Variants in ODF2L observed in about 807,000 individuals in gnomAD.
The protein encoded by ODF2L is outer dense fiber of sperm tails 2 like.
A neutral mutation model predicts 86.3 loss-of-function variants in ODF2L; 76 were observed. That is an observed-to-expected ratio of 0.88 (90% confidence interval 0.73 to 1.07). ODF2L has a LOEUF of 1.07. ODF2L is among the 50% of genes least tolerant of loss of function. The probability of loss-of-function intolerance (pLI) is 0.00; values close to 1 mark genes in which losing one functional copy is unlikely to be tolerated. For synonymous variants in ODF2L, 241 were observed against 231.3 expected, an observed-to-expected ratio of 1.04 and a Z score of -0.38; for missense variants, 748 against 717.4, an observed-to-expected ratio of 1.04 and a Z score of -0.49.
chr1:86,383,105 G>T, intron 5 of ODF2L, 29 bp downstream of exon 5: 1 of 1,437,476 alleles, frequency 7.0e-7, no homozygotes, highest in Non-Finnish European at 9.7e-7. Context: ...CAGGAAGAAT[G>T]GACACAAAGT....
intron 4 of ODF2L, 57 bp downstream of exon 4, chr1:86,384,619 T>C (rs1284302793): frequency 2.7e-6 from 3 of 1,113,754 alleles, no homozygotes; most frequent in Non-Finnish European, 3.6e-6. Context: ...AAAAATAATG[T>C]ATCCTTCAAA....
At chr1:86,365,410 G>A (rs981478827) in intron 11 of ODF2L, among the ~76,000 whole-genome samples, 38 of 152,096 alleles carry the variant, frequency 2.5e-4, no homozygotes, top group Admixed American at 2.5e-3. Flanking sequence ...TGGTATGGAT[G>A]GATGGAGGGA....
Position 86,358,876 on chromosome 1 carries a change from CT to C in ODF2L, c.1269del (p.Glu424LysfsTer5). 1 of 1,525,864 alleles carries C rather than the reference CT, an allele frequency of 6.6e-7. No homozygotes were observed. 94.5% of individuals were successfully genotyped at this position (1,525,864 alleles called of 1,614,324 possible). A position where few individuals can be genotyped will look rare whatever the true frequency, so the allele number is the denominator to read the frequency against. On this transcript the variant is annotated frameshift_variant, in exon 13 of 18. Coordinates refer to ENST00000317336, the Ensembl canonical transcript of ODF2L. LOFTEE classifies it high-confidence loss of function. ...CTGCTTTTTACTATTTCAGCTGCTTCTTGCAACTTTTGTACCTGAAAATAAA... is the reference window on the plus strand; with the variant it reads ...CTGCTTTTTACTATTTCAGCTGCTTCTGCAACTTTTGTACCTGAAAATAAA...
intron 4 of ODF2L, 141 bp from the exon 5 acceptor site, chr1:86,383,337 T>G: frequency 2.0e-6 from 1 of 491,194 alleles, no homozygotes; most frequent in Non-Finnish European, 3.6e-6. Context: ...TGAAAAGATT[T>G]TTGCCCTAGT....
At chr1:86,384,075 T>C (rs1660768863) in intron 4 of ODF2L, among the ~76,000 whole-genome samples, 1 of 151,844 alleles carries the variant, frequency 6.6e-6, no homozygotes, top group African/African-American at 2.4e-5. Context: ...TATCACAATT[T>C]TCTATGAGCA....
intron 9 of ODF2L, 82 bp from the exon 10 acceptor site, chr1:86,371,235 C>A: frequency 1.4e-6 from 1 of 707,148 alleles, no homozygotes; most frequent in South Asian, 3.0e-5. Context: ...TTTCTGAAAT[C>A]ACTTTGGCCG....
chr1:86,382,196 AT>A, intron 7 of ODF2L, 45 bp downstream of exon 7: 1 of 1,513,848 alleles, frequency 6.6e-7, no homozygotes, highest in Non-Finnish European at 8.8e-7. Context: ...CCTTTCATTA[AT>A]TTTATCACTT....
At chr1:86,380,419 C>T (rs934714168) in intron 7 of ODF2L, among the ~76,000 whole-genome samples, 1 of 152,146 alleles carries the variant, frequency 6.6e-6, no homozygotes, top group African/African-American at 2.4e-5. Context: ...GACAAAGGAA[C>T]ATCCCACAGG....
intron 1 of ODF2L, among the ~76,000 whole-genome samples, chr1:86,393,445 G>C (rs999058787): frequency 6.6e-6 from 1 of 151,108 alleles, no homozygotes; most frequent in Non-Finnish European, 1.5e-5. Flanking sequence ...TAAATCTTAT[G>C]CGTAAAAGCT....
In ODF2L at chr1:86,358,846, C is replaced by A; in HGVS notation, c.1300G>T (p.Glu434Ter). 6.5e-7 allele frequency: 1 copy of A among 1,545,392 alleles called. No individual in the cohort carries two copies. Among genetic ancestry groups the A allele is most frequent in the Admixed American group, 1.9e-5 (1 of 53,748 alleles). Residue 434 changes from glutamate (E) to a stop codon, truncating the protein, a stop_gained, in exon 13 of 18, where the codon GAA becomes TAA. Coordinates refer to ENST00000317336, the Ensembl canonical transcript of ODF2L. LOFTEE classifies it high-confidence loss of function. ...TGGTTATTTTTATGTAGCAAATTTT[C>A]ACATCTGCTTTTTACTATTTCAGCT...
At chr1:86,354,649 T>G in exon 16 of ODF2L, 4 of 1,612,622 alleles carry the variant, frequency 2.5e-6, no homozygotes, top group Non-Finnish European at 3.4e-6. Flanking sequence ...TTTGCCAGCT[T>G]CTTCTCAAGC....
Position 86,362,520 on chromosome 1 carries a change from AG to A in ODF2L, c.1144-1985del, listed in dbSNP as rs78896710. ...TGCCCAGAGTGAGCTCAAACTTCTG[AG>A]CTGAGGCGATCCTCCCACATTGCCT... On this transcript the variant is annotated intron_variant, in intron 11 of 17. Transcript: ENST00000317336. Among the ~76,000 whole-genome samples, 1,694 of 152,004 alleles carry A rather than the reference AG, an allele frequency of 0.011. 68 individuals carry two copies. In the East Asian group the frequency reaches 0.12, roughly 10 times the overall value.
chr1:86,356,034 A>T (rs772063010), intron 14 of ODF2L: 2 of 231,946 alleles, frequency 8.6e-6, no homozygotes, highest in South Asian at 5.0e-5. Flanking sequence ...TAAAACAGGA[A>T]AAAGAAACAG....
At chr1:86,374,759 G>A (rs1350735419) in intron 8 of ODF2L, among the ~76,000 whole-genome samples, 3 of 152,080 alleles carry the variant, frequency 2.0e-5, no homozygotes, top group East Asian at 1.9e-4. Context: ...GACCACAGAC[G>A]TTTACAAATC....
In ODF2L at chr1:86,368,571, AAC is replaced by A. The variant is rs1461214561; in HGVS notation, c.1143+63_1143+64del. 4 of 1,256,346 alleles carry A rather than the reference AAC, an allele frequency of 3.2e-6. No homozygotes were observed. In the African/African-American group the frequency reaches 6.2e-5, roughly 19 times the overall value. 77.8% of individuals were successfully genotyped at this position (1,256,346 alleles called of 1,614,324 possible). A position where few individuals can be genotyped will look rare whatever the true frequency, so the allele number is the denominator to read the frequency against. ...AAATTAGCAAACACTACAAATCAAA[AAC>A]ACATTTTATTTCCTGTGCTGATGAG... is the stretch of plus-strand genomic sequence containing the variant. On this transcript the variant is annotated intron_variant, in intron 11 of 17. Coordinates refer to ENST00000317336, the Ensembl canonical transcript of ODF2L.
chr1:86,360,453 T>C, exon 12 of ODF2L: 3 of 1,569,230 alleles, frequency 1.9e-6, no homozygotes, highest in Non-Finnish European at 2.6e-6. Flanking sequence ...CAATAAGGGT[T>C]TTCTGTTTTT....
chr1:86,385,392 C>A, intron 3 of ODF2L, 66 bp downstream of exon 3: 1 of 963,994 alleles, frequency 1.0e-6, no homozygotes, highest in Non-Finnish European at 1.6e-6. Context: ...GATATGAGAC[C>A]TCAGTTAATG....
chr1:86,389,960 A>G (rs558657576), intron 1 of ODF2L, among the ~76,000 whole-genome samples: 1 of 152,342 alleles, frequency 6.6e-6, no homozygotes, highest in South Asian at 2.1e-4. Flanking sequence ...CCAGACATTC[A>G]AAGAACAATT....
chr1:86,372,386 T>G (rs1012307241), intron 9 of ODF2L, 45 bp downstream of exon 9: 4 of 952,144 alleles, frequency 4.2e-6, no homozygotes, highest in Non-Finnish European at 5.9e-6. Flanking sequence ...TTTTAAAAAG[T>G]GAAAACTCTT....
Sources: gnomAD v4.1 joint callset for allele counts (sites outside exome capture counted in the v4.1 genomes callset) on GRCh38, gnomAD v4.1.1 for gene constraint, MANE v1.5 for transcripts, NCBI Gene and HGNC (gene_info 2026-07-23, HGNC 2026-07-21) for gene names.